PCDHGA3: variants seen among roughly 807,000 people sequenced by gnomAD.
PCDHGA3 encodes the protein protocadherin gamma subfamily A, 3.
PCDHGA3 carries 40 observed loss-of-function variants against 58.5 expected under a neutral mutation model. That is an observed-to-expected ratio of 0.68 (90% CI 0.53 to 0.89). PCDHGA3 has a LOEUF of 0.89. PCDHGA3 is among the 40% of genes least tolerant of loss of function. The pLI, the probability that PCDHGA3 is intolerant of heterozygous loss-of-function variation, is 0.00. For missense variants in PCDHGA3, 1,223 were observed against 1,195.9 expected, an observed-to-expected ratio of 1.02 and a Z score of -0.33; for synonymous variants, 530 against 525.7, an observed-to-expected ratio of 1.01 and a Z score of -0.11.
At position 141,408,464 on chromosome 5, in the gene PCDHGA3, A is replaced by G. The variant is rs764186219; in HGVS notation, c.2424+62007A>G. ...GGAGAGCGGGGACTTACTTGTGAAG[A>G]ACCGAATAGACCGTGAGCAAATATG... On this transcript the variant is annotated intron_variant, in intron 1 of 3. Coordinates refer to ENST00000253812, the MANE Select transcript of PCDHGA3 (RefSeq NM_018916.4). The G allele has an allele frequency of 3.8e-5, 61 of 1,613,880 alleles. No homozygotes were observed. Among genetic ancestry groups the G allele is most frequent in the South Asian group, 1.4e-4 (13 of 91,024 alleles).
At chr5:141,413,724 C>T (rs751084568) in intron 1 of PCDHGA3, 2 of 1,613,426 alleles carry the variant, frequency 1.2e-6, no homozygotes, top group East Asian at 2.2e-5. Context: ...AGCACTTCTC[C>T]CTAAGAGTTC....
At chr5:141,421,278 G>A (rs764787116) in intron 1 of PCDHGA3, 1 of 1,612,872 alleles carries the variant, frequency 6.2e-7, no homozygotes, top group African/African-American at 1.3e-5. Flanking sequence ...TGCTGCTGCT[G>A]TGCATTTTCC....
chr5:141,374,657 C>T, intron 1 of PCDHGA3: 1 of 1,612,018 alleles, frequency 6.2e-7, no homozygotes, highest in Non-Finnish European at 8.5e-7. Context: ...GCCCAAGTAC[C>T]CGGAGCTGGT....
In PCDHGA3 at chr5:141,408,807, G is replaced by A. The variant is rs372007066; in HGVS notation, c.2424+62350G>A. On this transcript the variant is annotated intron_variant, in intron 1 of 3. Transcript: ENST00000253812. ...TTATCTCTGGAGAAACTCCTAGACCGGGAAGAACAGAGATCTCATAGCTTG... is the reference window on the plus strand; with the variant it reads ...TTATCTCTGGAGAAACTCCTAGACCAGGAAGAACAGAGATCTCATAGCTTG... 1.2e-5 allele frequency: 20 copies of A among 1,612,986 alleles called. No homozygotes were observed. Among genetic ancestry groups the A allele is most frequent in the Middle Eastern group, 1.6e-4 (1 of 6,084 alleles).
intron 1 of PCDHGA3, chr5:141,357,111 G>A (rs1377471410): frequency 1.2e-6 from 2 of 1,613,722 alleles, no homozygotes; most frequent in African/African-American, 2.7e-5. Context: ...ACAGAGACGC[G>A]CTCAAGCAGA....
chr5:141,371,081 G>A, intron 1 of PCDHGA3: 1 of 1,613,852 alleles, frequency 6.2e-7, no homozygotes, highest in Non-Finnish European at 8.5e-7. Context: ...CCCAGATCAG[G>A]GTAATTGTCG....
chr5:141,415,654 A>ATTGGT, intron 1 of PCDHGA3: 1 of 1,573,242 alleles, frequency 6.4e-7, no homozygotes, highest in Non-Finnish European at 8.6e-7. Flanking sequence ...AAAAAAAAAG[A>ATTGGT]TTGGTTTTTA....
chr5:141,433,641 G>T (rs1177387884), intron 1 of PCDHGA3, among the ~76,000 whole-genome samples: 1 of 152,104 alleles, frequency 6.6e-6, no homozygotes, highest in Admixed American at 6.5e-5. Flanking sequence ...TTTGAGACCA[G>T]CCTGACCAAC....
intron 2 of PCDHGA3, among the ~76,000 whole-genome samples, chr5:141,498,825 C>A (rs2099786017): frequency 6.6e-6 from 1 of 151,974 alleles, no homozygotes; most frequent in Admixed American, 6.6e-5. Flanking sequence ...CCCAGCTACT[C>A]AGGAGGCTGA....
chr5:141,390,478 ATTTG>A (rs2092157792), intron 1 of PCDHGA3: 1 of 678,524 alleles, frequency 1.5e-6, no homozygotes, highest in Admixed American at 3.1e-5. Flanking sequence ...GTGGCCCAAC[ATTTG>A]TTTGTTTTTT....
intron 1 of PCDHGA3, chr5:141,389,977 C>T: frequency 6.2e-7 from 1 of 1,614,054 alleles, no homozygotes; most frequent in South Asian, 1.1e-5. Flanking sequence ...GCCTTGATCT[C>T]AGTGCTCTTC....
intron 1 of PCDHGA3, chr5:141,423,829 A>G: frequency 7.9e-7 from 1 of 1,268,964 alleles, no homozygotes; most frequent in Non-Finnish European, 9.9e-7. Flanking sequence ...GCCTTTCATG[A>G]GATTACGATA....
At chr5:141,369,369 T>G (rs1354774956) in intron 1 of PCDHGA3, among the ~76,000 whole-genome samples, 28 of 152,158 alleles carry the variant, frequency 1.8e-4, no homozygotes, top group Admixed American at 1.8e-3. Flanking sequence ...AAAACATCCT[T>G]TGTAAAAGTT....
At chr5:141,448,984 A>C (rs2098621334) in intron 1 of PCDHGA3, among the ~76,000 whole-genome samples, 1 of 152,086 alleles carries the variant, frequency 6.6e-6, no homozygotes, top group Non-Finnish European at 1.5e-5. Context: ...CTTCCATATT[A>C]ATATATAGAA....
chr5:141,395,317 A>G, intron 1 of PCDHGA3: 1 of 1,488,840 alleles, frequency 6.7e-7, no homozygotes, highest in Non-Finnish European at 9.0e-7. Flanking sequence ...AACATTGTGA[A>G]GATAGTTGAA....
intron 2 of PCDHGA3, among the ~76,000 whole-genome samples, chr5:141,496,565 T>C (rs2099769541): frequency 6.6e-6 from 1 of 152,136 alleles, no homozygotes; most frequent in African/African-American, 2.4e-5. Context: ...CACAGTCCTG[T>C]CACCCATTTT....
chr5:141,390,239 C>T (rs769717528), intron 1 of PCDHGA3: 1 of 1,614,022 alleles, frequency 6.2e-7, no homozygotes, highest in Admixed American at 1.7e-5. Flanking sequence ...CATCTGGGGC[C>T]TTATTTCCAC....
intron 1 of PCDHGA3, among the ~76,000 whole-genome samples, chr5:141,484,288 C>T (rs1300726429): frequency 6.6e-6 from 1 of 152,176 alleles, no homozygotes; most frequent in African/African-American, 2.4e-5. Context: ...AAACATCTCC[C>T]TCTCCTGGCT....
chr5:141,397,223 TATG>T lies in PCDHGA3; in HGVS notation c.2424+50768_2424+50770del, dbSNP rs543267212. ...ATGACATAAGAGAAGTATTTTGAGA[TATG>T]AAGAAGAGCAACGTAGTAGGGTATA... is the stretch of plus-strand genomic sequence containing the variant. On this transcript the variant is annotated intron_variant, in intron 1 of 3. Coordinates refer to ENST00000253812, the MANE Select transcript of PCDHGA3 (RefSeq NM_018916.4). Among the ~76,000 whole-genome samples, 432 of 152,304 alleles carry T rather than the reference TATG, an allele frequency of 2.8e-3. 2 individuals carry two copies. Among genetic ancestry groups the T allele is most frequent in the Admixed American group, 9.4e-3 (144 of 15,310 alleles).
Sources: allele counts gnomAD v4.1 joint callset (sites outside exome capture counted in the v4.1 genomes callset), GRCh38; gene constraint gnomAD v4.1.1; transcripts MANE v1.5; gene names NCBI Gene and HGNC (gene_info 2026-07-23, HGNC 2026-07-21).